Variants in HSF2BP observed in about 807,000 individuals in gnomAD.
HSF2BP encodes the protein heat shock transcription factor 2 binding protein.
Under a neutral mutation model 35.0 loss-of-function variants are expected in HSF2BP, and 35 were observed. That is an observed-to-expected ratio of 1.00 (90% CI 0.76 to 1.32). The LOEUF (loss-of-function observed/expected upper bound fraction) is 1.32, where lower values mean the gene tolerates loss of function less well. Among genes scored for constraint, HSF2BP ranks in the 40% most tolerant of loss-of-function variants. The pLI, the probability that HSF2BP is intolerant of heterozygous loss-of-function variation, is 0.00. For synonymous variants in HSF2BP, 114 were observed against 117.4 expected, an observed-to-expected ratio of 0.97 and a Z score of 0.18; for missense variants, 326 against 321.7, an observed-to-expected ratio of 1.01 and a Z score of -0.10.
At chr21:43,657,132 A>G (rs1443551528) in intron 2 of HSF2BP, among the ~76,000 whole-genome samples, 1 of 152,176 alleles carries the variant, frequency 6.6e-6, no homozygotes, top group Non-Finnish European at 1.5e-5. Flanking sequence ...GCACTTTGGG[A>G]GGCCGAGGCG....
chr21:43,624,703 AT>A (rs2082369155), intron 6 of HSF2BP, among the ~76,000 whole-genome samples: 1 of 152,220 alleles, frequency 6.6e-6, no homozygotes, highest in Non-Finnish European at 1.5e-5. Context: ...ATCTAACATT[AT>A]TTGAATACAT....
At chr21:43,643,232 C>T (rs1313647981) in intron 4 of HSF2BP, among the ~76,000 whole-genome samples, 1 of 152,102 alleles carries the variant, frequency 6.6e-6, no homozygotes, top group African/African-American at 2.4e-5. Context: ...TGATTTAATA[C>T]ATCTATGTCC....
rs968730398 is a variant in HSF2BP, at chr21:43,595,264, A to C, written c.693-2936T>G. ...GCAACAGAGTGAGACTCTAAAAAAA[A>C]AAGTTTGCAGAAAGTTGAAAGTAAA... is the stretch of plus-strand genomic sequence containing the variant. On this transcript the variant is annotated intron_variant, in intron 7 of 8. Transcript: ENST00000291560. Among the ~76,000 whole-genome samples, 4 of 152,204 alleles carry C rather than the reference A, an allele frequency of 2.6e-5. No individual in the cohort carries two copies. The East Asian group carries it at 7.7e-4, about 29-fold the overall frequency.
intron 6 of HSF2BP, among the ~76,000 whole-genome samples, chr21:43,617,681 C>T (rs1014913492): frequency 1.3e-5 from 2 of 151,922 alleles, no homozygotes; most frequent in Non-Finnish European, 1.5e-5. Context: ...GGGCCAGGTA[C>T]GGTGGCTCCC....
At position 43,572,309 on chromosome 21, in the gene HSF2BP, T is replaced by C. The variant is rs577963394; in HGVS notation, c.796+19916A>G. 2.6e-5 allele frequency among the ~76,000 whole-genome samples: 4 copies of C among 152,274 alleles called. No individual in the cohort carries two copies. In the East Asian group the frequency reaches 7.7e-4, roughly 29 times the overall value. On this transcript the variant is annotated intron_variant, in intron 8 of 8. Coordinates refer to ENST00000291560, the MANE Select transcript of HSF2BP (RefSeq NM_007031.2). Reference sequence around the variant, plus strand: ...CAGCGCTTGGGAGAAAGACTTGGGCTTGAGTTAGATACTTCAGTGCCACTG... The same window carrying C: ...CAGCGCTTGGGAGAAAGACTTGGGCCTGAGTTAGATACTTCAGTGCCACTG...
intron 8 of HSF2BP, among the ~76,000 whole-genome samples, chr21:43,571,667 C>A (rs912038089): frequency 2.1e-5 from 1 of 46,900 alleles, no homozygotes; most frequent in African/African-American, 9.0e-5. Flanking sequence ...TGCTTCATAT[C>A]ATAGCTCAAA....
At chr21:43,620,064 A>G (rs2082314639) in intron 6 of HSF2BP, among the ~76,000 whole-genome samples, 1 of 152,246 alleles carries the variant, frequency 6.6e-6, no homozygotes, top group South Asian at 2.1e-4. Flanking sequence ...CCTAGCAGAA[A>G]AAAAGGAAGA....
chr21:43,628,130 C>T (rs1207838889), intron 6 of HSF2BP, among the ~76,000 whole-genome samples: 1 of 152,180 alleles, frequency 6.6e-6, no homozygotes, highest in Non-Finnish European at 1.5e-5. Flanking sequence ...AATAACCCTA[C>T]AATGACCTCT....
At position 43,658,149 on chromosome 21, in the gene HSF2BP, C is replaced by T. The variant is rs568098307; in HGVS notation, c.-53G>A. ...CTGAGCGTCGGCGCGCCCTCTGACC[C>T]CTCACGCCAGAAAGCGCGGGAACGA... On this transcript the variant is annotated 5_prime_UTR_variant, in exon 2 of 9. Transcript: ENST00000291560. The T allele has an allele frequency of 2.6e-5, 38 of 1,483,252 alleles. No homozygotes were observed. In the South Asian group the frequency reaches 4.4e-4, roughly 17 times the overall value. The allele number at this position is 1,483,252 out of a possible 1,614,324, so 91.9% of individuals were successfully genotyped here.
At chr21:43,652,683 A>G (rs968403465) in intron 3 of HSF2BP, among the ~76,000 whole-genome samples, 8 of 152,282 alleles carry the variant, frequency 5.3e-5, no homozygotes, top group South Asian at 2.1e-4. Flanking sequence ...TGTTGGCTAA[A>G]TGGTAAAAAC....
chr21:43,583,606 T>C (rs2081796392), intron 8 of HSF2BP, among the ~76,000 whole-genome samples: 1 of 117,278 alleles, frequency 8.5e-6, no homozygotes, highest in Non-Finnish European at 1.7e-5. Flanking sequence ...CTGAGGGAGA[T>C]GAAGGGACTG....
chr21:43,625,309 T>C (rs1368076526), intron 6 of HSF2BP, among the ~76,000 whole-genome samples: 4 of 151,766 alleles, frequency 2.6e-5, no homozygotes, highest in Admixed American at 2.6e-4. Flanking sequence ...AAGCACTTGC[T>C]CACCTGGGGC....
At chr21:43,622,793 T>A (rs1019658859) in intron 6 of HSF2BP, among the ~76,000 whole-genome samples, 2 of 151,988 alleles carry the variant, frequency 1.3e-5, no homozygotes, top group Non-Finnish European at 2.9e-5. Flanking sequence ...CAAAGAAACA[T>A]CAGAGGTAAA....
intron 2 of HSF2BP, chr21:43,657,789 C>A (rs1170973615): frequency 1.0e-6 from 1 of 960,740 alleles, no homozygotes. Flanking sequence ...CCATCCATCC[C>A]ACGCTCCCAT....
chr21:43,585,084 A>G (rs1226189847), intron 8 of HSF2BP, among the ~76,000 whole-genome samples: 2 of 152,024 alleles, frequency 1.3e-5, no homozygotes, highest in Admixed American at 6.6e-5. Flanking sequence ...AGGCAGGAAG[A>G]TCACTTGAGA....
intron 3 of HSF2BP, among the ~76,000 whole-genome samples, chr21:43,653,059 CA>C (rs1338763186): frequency 1.3e-5 from 2 of 151,944 alleles, no homozygotes; most frequent in Admixed American, 1.3e-4. Context: ...CGCTTGAACC[CA>C]GGGGGCAGAG....
At chr21:43,620,098 A>T (rs1372762214) in intron 6 of HSF2BP, among the ~76,000 whole-genome samples, 2 of 152,254 alleles carry the variant, frequency 1.3e-5, no homozygotes, top group Non-Finnish European at 1.5e-5. Flanking sequence ...AATTACAAAG[A>T]ATCTCTAAGT....
At chr21:43,506,025 A>G in the HSF2BP span, among the ~76,000 whole-genome samples, 2,415 of 121,596 alleles carry the variant, frequency 0.02, 235 homozygotes, top group African/African-American at 0.084. Flanking sequence ...AAGACTCCTC[A>G]CTGCTGCAGG....
At chr21:43,621,302 A>G (rs948846814) in intron 6 of HSF2BP, among the ~76,000 whole-genome samples, 7 of 152,198 alleles carry the variant, frequency 4.6e-5, no homozygotes, top group Non-Finnish European at 8.8e-5. Context: ...CAAGGCAGGC[A>G]GATCACTTGA....
Sources: allele counts gnomAD v4.1 joint callset (sites outside exome capture counted in the v4.1 genomes callset), GRCh38; gene constraint gnomAD v4.1.1; transcripts MANE v1.5; gene names NCBI Gene and HGNC (gene_info 2026-07-23, HGNC 2026-07-21).